The following PPP2R3B variants were observed in gnomAD, a reference collection of about 807,000 sequenced individuals.
PPP2R3B encodes protein phosphatase 2 regulatory subunit B''beta, also known as serine/threonine-protein phosphatase 2A regulatory subunit B'' subunit beta.
A neutral mutation model predicts 72.9 loss-of-function variants in PPP2R3B; 68 were observed. The observed-to-expected ratio is 0.93, with a 90% confidence interval of 0.77 to 1.14. The LOEUF is 1.14. PPP2R3B is among the 50% of genes most tolerant of loss of function. The pLI, the probability that PPP2R3B is intolerant of heterozygous loss-of-function variation, is 0.00. For missense variants in PPP2R3B, 1,018 were observed against 842.0 expected, an observed-to-expected ratio of 1.21 and a Z score of -2.59; for synonymous variants, 466 against 375.8, an observed-to-expected ratio of 1.24 and a Z score of -2.78.
chrX:346,033 C>G (rs1411494923), intron 6 of PPP2R3B, 141 bp downstream of exon 6: 7 of 531,394 alleles, frequency 1.3e-5, no homozygotes, highest in Non-Finnish European at 2.3e-5. Flanking sequence ...GGGCTGGGAG[C>G]GCGGTGGAGG....
intron 1 of PPP2R3B, among the ~76,000 whole-genome samples, chrX:374,719 ATC>A (rs2071951979): frequency 6.6e-6 from 1 of 152,160 alleles, no homozygotes; most frequent in South Asian, 2.1e-4. Context: ...GACCGCCTGC[ATC>A]TGTTACAGTC....
chrX:334,007 G>C lies in PPP2R3B; in HGVS notation c.*360C>G. On this transcript the variant is annotated 3_prime_UTR_variant, in exon 13 of 13. Transcript: ENST00000390665. Reference sequence around the variant, plus strand: ...ACAAAACATTCACACAGCCTGTGGTGGAGGCTCCTGTCCAGGACTGAGGCG... The same window carrying C: ...ACAAAACATTCACACAGCCTGTGGTCGAGGCTCCTGTCCAGGACTGAGGCG... 1 of 224,656 alleles carries C rather than the reference G, an allele frequency of 4.5e-6. No homozygotes were observed. Among genetic ancestry groups the C allele is most frequent in the Non-Finnish European group, 8.7e-6 (1 of 115,570 alleles). The allele number at this position is 224,656 out of a possible 1,614,324, so 13.9% of individuals were successfully genotyped here. A position where few individuals can be genotyped will look rare whatever the true frequency, so the allele number is the denominator to read the frequency against.
intron 1 of PPP2R3B, 118 bp from the exon 2 acceptor site, chrX:361,708 C>T (rs2071545484): frequency 2.5e-5 from 29 of 1,151,256 alleles, no homozygotes; most frequent in Middle Eastern, 2.9e-4. Flanking sequence ...TGATCCCAGC[C>T]GGGAGAGGAC....
rs1300878737 is a variant in PPP2R3B, at chrX:341,994, C to T, written c.1037-63G>A. On this transcript the variant is annotated intron_variant, in intron 7 of 12. Transcript: ENST00000390665. ...GCCTCGGCCCCGACGTCACCACCCC[C>T]CGGAGCCGAGACTGGATGCGGTGGG... is the stretch of plus-strand genomic sequence containing the variant. 2.5e-6 allele frequency: 4 copies of T among 1,595,528 alleles called. No homozygotes were observed. In the African/African-American group the frequency reaches 5.4e-5, roughly 21 times the overall value.
intron 12 of PPP2R3B, 76 bp from the exon 13 acceptor site, chrX:334,593 T>A: frequency 7.4e-7 from 1 of 1,358,514 alleles, no homozygotes; most frequent in Non-Finnish European, 9.5e-7. Flanking sequence ...AAACACAGGC[T>A]GCTCGGCCGC....
At chrX:354,132 CTGGGGG>C (rs1569395523) in intron 2 of PPP2R3B, among the ~76,000 whole-genome samples, 19 of 127,888 alleles carry the variant, frequency 1.5e-4, no homozygotes, top group African/African-American at 6.5e-4. Context: ...CACCCAAAGA[CTGGGGG>C]CTCACCCAAA....
At chrX:368,668 G>A (rs1172536899) in intron 1 of PPP2R3B, among the ~76,000 whole-genome samples, 5 of 75,636 alleles carry the variant, frequency 6.6e-5, no homozygotes, top group Admixed American at 3.9e-4. Flanking sequence ...CCTGGGCACC[G>A]ACCGGGGGAA....
At chrX:368,337 A>C (rs28437615) in intron 1 of PPP2R3B, among the ~76,000 whole-genome samples, 4 of 47,676 alleles carry the variant, frequency 8.4e-5, no homozygotes, top group East Asian at 6.5e-4. Flanking sequence ...GGGCACCGAC[A>C]CGGGGAAGGC....
chrX:344,174 C>G lies in PPP2R3B; in HGVS notation c.1036+1342G>C, dbSNP rs376843689. Among the ~76,000 whole-genome samples, 103 of 89,642 alleles carry G rather than the reference C, an allele frequency of 1.1e-3. 3 individuals are homozygous for G. Among genetic ancestry groups the G allele is most frequent in the Middle Eastern group, 0.014 (2 of 140 alleles). The allele number at this position is 89,642 out of a possible 152,430, so 58.8% of individuals were successfully genotyped here. A position where few individuals can be genotyped will look rare whatever the true frequency, so the allele number is the denominator to read the frequency against. On this transcript the variant is annotated intron_variant, in intron 7 of 12. Transcript: ENST00000390665. The stretch of plus-strand genomic sequence containing the variant: ...AACGGGAGGCGGGAGGGAGACCTCA[C>G]CAACGGGAGGCGGGAGTGAGACCTC...
At chrX:373,358 G>A (rs1603123342) in intron 1 of PPP2R3B, among the ~76,000 whole-genome samples, 3 of 152,190 alleles carry the variant, frequency 2.0e-5, no homozygotes, top group South Asian at 4.1e-4. Flanking sequence ...GCCCGAGCGG[G>A]TCCCCTGCGC....
intron 2 of PPP2R3B, among the ~76,000 whole-genome samples, chrX:352,371 C>T (rs998553484): frequency 1.3e-5 from 2 of 152,256 alleles, no homozygotes; most frequent in African/African-American, 4.8e-5. Context: ...TCGGCCCCTC[C>T]GCAGTCCGCT....
In PPP2R3B at chrX:338,890, A is replaced by T; in HGVS notation, c.1358T>A (p.Ile453Asn). 1 of 1,612,134 alleles carries T rather than the reference A, an allele frequency of 6.2e-7. No individual in the cohort carries two copies. Among genetic ancestry groups the T allele is most frequent in the Non-Finnish European group, 8.5e-7 (1 of 1,179,512 alleles). The change falls in exon 11 of 13, where the codon ATC (isoleucine) becomes AAC (asparagine). Residue 453 changes from isoleucine (I) to asparagine (N), a missense_variant. By Grantham distance (149) the Ile-to-Asn change is moderately radical (BLOSUM62 -3). Transcript: ENST00000390665. ...GCAGCGCTTCAGGTCCTGCAGCGTG[A>T]TCTTCCCTGCGGGGAGGGGAGTGCG... is the stretch of plus-strand genomic sequence containing the variant. ...DLVKPRTEGKITLQDLKRCKL... is the reference protein window; with the variant it reads ...DLVKPRTEGKNTLQDLKRCKL...
chrX:341,232 G>A lies in PPP2R3B; in HGVS notation c.1175+75C>T, dbSNP rs1247661040. 69 of 1,537,898 alleles carry A rather than the reference G, an allele frequency of 4.5e-5. No homozygotes were observed. In the East Asian group the frequency reaches 1.1e-3, roughly 25 times the overall value. ...GCCCCCACCAGGCGTGCAGGCATCC[G>A]CCTGGGGACACATGTCACATGGGCG... On this transcript the variant is annotated intron_variant, in intron 9 of 12. Transcript: ENST00000390665.
Position 367,293 on chromosome X carries a change from G to A in PPP2R3B, c.325-5703C>T, listed in dbSNP as rs35122412. Among the ~76,000 whole-genome samples the A allele has an allele frequency of 8.7e-3, 1,327 of 151,730 alleles. 10 individuals carry two copies. Among genetic ancestry groups the A allele is most frequent in the Non-Finnish European group, 0.015 (1,046 of 67,970 alleles). ...AAAAACATAAATCAGTGAAAACAAC[G>A]TATGTTCAATTAAAAAAAAAAAGTC... On this transcript the variant is annotated intron_variant, in intron 1 of 12. Coordinates refer to ENST00000390665, the MANE Select transcript of PPP2R3B (RefSeq NM_013239.5).
chrX:384,506 G>C (rs2072202111), intron 1 of PPP2R3B, among the ~76,000 whole-genome samples: 1 of 151,904 alleles, frequency 6.6e-6, no homozygotes, highest in Non-Finnish European at 1.5e-5. Flanking sequence ...TGTTGCCCAG[G>C]CTGGTCTCGA....
Position 341,711 on chromosome X carries a change from C to CA in PPP2R3B, c.1085+171_1085+172insT, listed in dbSNP as rs1325290129. ...ACTTCGCGTGACAGTCTTGTGCCAC[C>CA]CCCCCCCACTAGGGATTCACGTGAC... On this transcript the variant is annotated intron_variant, in intron 8 of 12. Coordinates refer to ENST00000390665, the MANE Select transcript of PPP2R3B (RefSeq NM_013239.5). The CA allele has an allele frequency of 8.5e-5, 58 of 686,070 alleles. No homozygotes were observed. In the East Asian group the frequency reaches 1.5e-3, roughly 18 times the overall value. 42.5% of individuals were successfully genotyped at this position (686,070 alleles called of 1,614,324 possible).
At chrX:337,130 G>T (rs1317476130) in intron 12 of PPP2R3B, 1 of 152,116 alleles carries the variant, frequency 6.6e-6, no homozygotes, top group African/African-American at 2.4e-5. Flanking sequence ...ACCCAGGCTG[G>T]AGTGTGGTGG....
chrX:386,601 T>A lies in PPP2R3B; in HGVS notation c.91A>T (p.Met31Leu). 6.9e-7 allele frequency: 1 copy of A among 1,448,946 alleles called. No individual in the cohort carries two copies. Among genetic ancestry groups the A allele is most frequent in the Non-Finnish European group, 9.1e-7 (1 of 1,101,700 alleles). 89.8% of individuals were successfully genotyped at this position (1,448,946 alleles called of 1,614,324 possible). A position where few individuals can be genotyped will look rare whatever the true frequency, so the allele number is the denominator to read the frequency against. Residue 31 changes from methionine (M) to leucine (L), a missense_variant, in exon 1 of 13, where the codon ATG (methionine) becomes TTG (leucine). Coordinates refer to ENST00000390665, the MANE Select transcript of PPP2R3B (RefSeq NM_013239.5). ...ATCCGGCGCAGGCAGTCCTGCAGCA[T>A]CCGCTGCGTGCTGGCCTCGCTGAGC... is the stretch of plus-strand genomic sequence containing the variant. ...YWLSEASTQR[M>L]LQDCLRRIKA...
chrX:350,591 C>A (rs2071309684), intron 2 of PPP2R3B, among the ~76,000 whole-genome samples: 1 of 152,222 alleles, frequency 6.6e-6, no homozygotes, highest in Non-Finnish European at 1.5e-5. Context: ...TGGCCGTAGA[C>A]AAGGGGAAGC....
Sources: gnomAD v4.1 joint callset for allele counts (sites outside exome capture counted in the v4.1 genomes callset) on GRCh38, gnomAD v4.1.1 for gene constraint, MANE v1.5 for transcripts, NCBI Gene and HGNC (gene_info 2026-07-23, HGNC 2026-07-21) for gene names.